ARAP2: variants seen among roughly 807,000 people sequenced by gnomAD.
ARAP2 encodes the protein ArfGAP with RhoGAP domain, ankyrin repeat and PH domain 2, also known as arf-GAP with Rho-GAP domain, ANK repeat and PH domain-containing protein 2.
In ARAP2, 148 loss-of-function variants were observed where a neutral mutation model predicts 194.5. The ratio of observed to expected loss-of-function variants is 0.76; its 90% confidence interval spans 0.67 to 0.87. The LOEUF (loss-of-function observed/expected upper bound fraction) is 0.87. Ranked by LOEUF, ARAP2 falls within the 40% of genes least tolerant of loss-of-function variation. The pLI, the probability that ARAP2 is intolerant of heterozygous loss-of-function variation, is 0.00. For synonymous variants in ARAP2, 695 were observed against 683.5 expected, an observed-to-expected ratio of 1.02 and a Z score of -0.26; for missense variants, 2,128 against 1,989.7, an observed-to-expected ratio of 1.07 and a Z score of -1.32.
intron 2 of ARAP2, among the ~76,000 whole-genome samples, chr4:36,225,941 G>C (rs535855819): frequency 4.9e-4 from 75 of 152,060 alleles, no homozygotes; most frequent in African/African-American, 1.7e-3. Flanking sequence ...ATAACCCACA[G>C]TTTGATTTAA....
At chr4:36,131,357 A>T (rs1725404134) in intron 20 of ARAP2, among the ~76,000 whole-genome samples, 1 of 150,240 alleles carries the variant, frequency 6.7e-6, no homozygotes, top group Non-Finnish European at 1.5e-5. Context: ...ATATAATATA[A>T]AAATATGACA....
chr4:36,147,223 G>A lies in ARAP2; in HGVS notation c.3263+73C>T, dbSNP rs1729841246. The A allele has an allele frequency of 2.2e-6, 3 of 1,353,794 alleles. No homozygotes were observed. The East Asian group carries it at 6.9e-5, about 31-fold the overall frequency. 83.9% of individuals were successfully genotyped at this position (1,353,794 alleles called of 1,614,324 possible). A position where few individuals can be genotyped will look rare whatever the true frequency, so the allele number is the denominator to read the frequency against. ...TTTAAAATATTGTTTTCTCCCTCAA[G>A]ATAATAACAAAAAACAAAATCCCGC... On this transcript the variant is annotated intron_variant, in intron 19 of 32. Coordinates refer to ENST00000303965, the MANE Select transcript of ARAP2 (RefSeq NM_015230.4).
chr4:36,027,828 AAAATG>A lies in ARAP2; in HGVS notation n.608-8547_608-8543del, dbSNP rs1718196066. Among the ~76,000 whole-genome samples the A allele has an allele frequency of 2.0e-5, 3 of 152,314 alleles. No homozygotes were observed. In the South Asian group the frequency reaches 6.2e-4, roughly 32 times the overall value. ...TTATTTAACAATAATTCCTTGTTAG[AAAATG>A]ATTAAGAGTTTCAAGATGGCTTCAA... On this transcript the variant is annotated intron_variant and non_coding_transcript_variant, in intron 5 of 12. Coordinates refer to the ARAP2 transcript ENST00000503225.
chr4:36,194,850 C>A (rs2109924353), intron 6 of ARAP2, among the ~76,000 whole-genome samples: 1 of 152,102 alleles, frequency 6.6e-6, no homozygotes, highest in Admixed American at 6.5e-5. Flanking sequence ...AAGCATATAA[C>A]CACTTCATAT....
chr4:36,114,590 A>C (rs1720878502), intron 25 of ARAP2, among the ~76,000 whole-genome samples: 1 of 152,092 alleles, frequency 6.6e-6, no homozygotes, highest in African/African-American at 2.4e-5. Flanking sequence ...CCTTCGCCAG[A>C]CAATGAATCC....
intron 1 of ARAP2, among the ~76,000 whole-genome samples, chr4:36,241,596 G>A (rs777788141): frequency 3.9e-5 from 6 of 152,018 alleles, no homozygotes; most frequent in Non-Finnish European, 8.8e-5. Context: ...ATGACTATAA[G>A]AAAAGGTAAA....
chr4:36,107,711 C>T lies in ARAP2; in HGVS notation c.4157-18G>A. On this transcript the variant is annotated intron_variant, in intron 26 of 32. Transcript: ENST00000303965. ...AGGACGCTCTGTAAAAAATAAATTC[C>T]AAATCAAATGGAAAATATATGAGGA... 6.4e-7 allele frequency: 1 copy of T among 1,573,332 alleles called. No homozygotes were observed. Among genetic ancestry groups the T allele is most frequent in the Admixed American group, 2.0e-5 (1 of 50,914 alleles).
At chr4:36,096,760 AC>A (rs1353005880) in intron 27 of ARAP2, among the ~76,000 whole-genome samples, 1 of 152,166 alleles carries the variant, frequency 6.6e-6, no homozygotes, top group Non-Finnish European at 1.5e-5. Context: ...GTCTTCTGGT[AC>A]AATGTCTTAA....
At chr4:36,034,769 C>G (rs1719626437) in intron 5 of ARAP2, among the ~76,000 whole-genome samples, 1 of 152,062 alleles carries the variant, frequency 6.6e-6, no homozygotes, top group Non-Finnish European at 1.5e-5. Context: ...TATGTTCTTT[C>G]AATGCCTAGT....
At chr4:36,166,274 AAT>A (rs376597977) in intron 10 of ARAP2, among the ~76,000 whole-genome samples, 10 of 152,156 alleles carry the variant, frequency 6.6e-5, no homozygotes, top group Non-Finnish European at 8.8e-5. Flanking sequence ...CAAACGAATT[AAT>A]ACAGTTGAAC....
At chr4:36,057,253 A>G (rs563030237) in intron 2 of ARAP2, among the ~76,000 whole-genome samples, 1 of 148,406 alleles carries the variant, frequency 6.7e-6, no homozygotes, top group African/African-American at 2.5e-5. Flanking sequence ...TTGTATTGTT[A>G]TTACTCTAAG....
At chr4:36,030,184 A>G (rs1718674440) in intron 5 of ARAP2, among the ~76,000 whole-genome samples, 1 of 152,120 alleles carries the variant, frequency 6.6e-6, no homozygotes, top group African/African-American at 2.4e-5. Flanking sequence ...TTGGCTGGAA[A>G]TAAGATTCTT....
At chr4:36,068,330 G>C (rs774511925) in intron 32 of ARAP2, 52 bp from the exon 33 acceptor site, 32 of 1,486,238 alleles carry the variant, frequency 2.2e-5, no homozygotes, top group Non-Finnish European at 2.8e-5. Flanking sequence ...GCACAATTTA[G>C]GTTTAGAAAG....
In ARAP2 at chr4:36,242,436, G is replaced by C. The variant is rs539527220; in HGVS notation, c.-160+1743C>G. On this transcript the variant is annotated intron_variant, in intron 1 of 32. Coordinates refer to ENST00000303965, the MANE Select transcript of ARAP2 (RefSeq NM_015230.4). ...CACCAAACTTTCTCACAGTTGCAGG[G>C]AGGTGGGTTAGAAAGTAACAAAACG... 5.3e-5 allele frequency among the ~76,000 whole-genome samples: 8 copies of C among 152,232 alleles called. No individual in the cohort carries two copies. In the East Asian group the frequency reaches 1.5e-3, roughly 29 times the overall value.
At chr4:36,030,910 T>A (rs535669058) in intron 5 of ARAP2, among the ~76,000 whole-genome samples, 2 of 151,558 alleles carry the variant, frequency 1.3e-5, no homozygotes, top group South Asian at 4.2e-4. Flanking sequence ...GTCGGGTGGA[T>A]CACAAGGTCA....
At chr4:36,215,033 G>T (rs1006859038) in intron 2 of ARAP2, among the ~76,000 whole-genome samples, 3 of 152,128 alleles carry the variant, frequency 2.0e-5, no homozygotes, top group African/African-American at 7.2e-5. Context: ...AATACAACAT[G>T]ATAACAGCAG....
At chr4:36,231,944 A>G (rs1331411526) in intron 1 of ARAP2, among the ~76,000 whole-genome samples, 3 of 152,216 alleles carry the variant, frequency 2.0e-5, no homozygotes, top group Non-Finnish European at 4.4e-5. Context: ...TGAGGTCATC[A>G]GGAAAGGACC....
At position 36,213,330 on chromosome 4, in the gene ARAP2, A is replaced by C; in HGVS notation, c.965-11T>G. 6.4e-7 allele frequency: 1 copy of C among 1,563,850 alleles called. No homozygotes were observed. On this transcript the variant is annotated splice_polypyrimidine_tract_variant and intron_variant, in intron 3 of 32. Coordinates refer to ENST00000303965, the MANE Select transcript of ARAP2 (RefSeq NM_015230.4). ...TCTCCTCATTTGAATCTTTTAGGGG[A>C]ATTACAGGATGAGAACAGAAAGATG...
chr4:36,219,204 A>C (rs977527651), intron 2 of ARAP2, among the ~76,000 whole-genome samples: 1 of 152,250 alleles, frequency 6.6e-6, no homozygotes, highest in African/African-American at 2.4e-5. Flanking sequence ...CCCATGACAC[A>C]GCAATCCTAC....
Sources: allele counts gnomAD v4.1 joint callset (sites outside exome capture counted in the v4.1 genomes callset), GRCh38; gene constraint gnomAD v4.1.1; transcripts MANE v1.5; gene names NCBI Gene and HGNC (gene_info 2026-07-23, HGNC 2026-07-21).